The following GRIA1 variants were observed in gnomAD, a reference collection of about 807,000 sequenced individuals.
The protein encoded by GRIA1 is glutamate ionotropic receptor AMPA type subunit 1, also known as glutamate receptor 1.
A neutral mutation model predicts 99.2 loss-of-function variants in GRIA1; 31 were observed. That is an observed-to-expected ratio of 0.31 (90% CI 0.23 to 0.42). The LOEUF (loss-of-function observed/expected upper bound fraction) is 0.42. Ranked by LOEUF, GRIA1 falls within the 10% of genes least tolerant of loss-of-function variation. The pLI is 1.00. For missense variants in GRIA1, 782 were observed against 1,157.5 expected, an observed-to-expected ratio of 0.68 and a Z score of 4.71; for synonymous variants, 438 against 432.4, an observed-to-expected ratio of 1.01 and a Z score of -0.16.
At chr5:153,698,760 G>A (rs531343789) in intron 9 of GRIA1, 107 bp from the exon 10 acceptor site, 10 of 730,028 alleles carry the variant, frequency 1.4e-5, no homozygotes, top group Middle Eastern at 2.4e-4. Flanking sequence ...GGGCTAGAGA[G>A]CCTTCCCCAG....
At chr5:153,659,804 T>C (rs578017232) in intron 5 of GRIA1, among the ~76,000 whole-genome samples, 43 of 152,262 alleles carry the variant, frequency 2.8e-4, no homozygotes, top group Admixed American at 1.4e-3. Flanking sequence ...AACTAGAAGA[T>C]TGGGAGAATT....
At chr5:153,667,840 T>C (rs1444750618) in intron 5 of GRIA1, among the ~76,000 whole-genome samples, 2 of 152,246 alleles carry the variant, frequency 1.3e-5, no homozygotes, top group African/African-American at 4.8e-5. Context: ...AATGTAGTTG[T>C]AGTGTTAAAC....
chr5:153,768,666 G>A (rs1469590907), intron 12 of GRIA1, among the ~76,000 whole-genome samples: 2 of 152,084 alleles, frequency 1.3e-5, no homozygotes, highest in East Asian at 3.8e-4. Context: ...CTTACCAACA[G>A]TTGACGTGCG....
At chr5:153,520,797 G>A (rs1446887535) in intron 2 of GRIA1, among the ~76,000 whole-genome samples, 1 of 152,132 alleles carries the variant, frequency 6.6e-6, no homozygotes, top group Non-Finnish European at 1.5e-5. Flanking sequence ...GTAAGAATTA[G>A]TAATAGTAAT....
chr5:153,720,940 C>G (rs1053373087), intron 11 of GRIA1, among the ~76,000 whole-genome samples: 3 of 152,152 alleles, frequency 2.0e-5, no homozygotes, highest in Admixed American at 2.0e-4. Flanking sequence ...AGTGAACTTA[C>G]AAAGTTCAGG....
intron 2 of GRIA1, among the ~76,000 whole-genome samples, chr5:153,609,906 C>T (rs1281275045): frequency 6.6e-6 from 1 of 151,974 alleles, no homozygotes; most frequent in Non-Finnish European, 1.5e-5. Context: ...TTTGATCATC[C>T]TAGGTTTCTT....
chr5:153,636,051 G>A (rs1753332845), intron 2 of GRIA1, among the ~76,000 whole-genome samples: 1 of 152,110 alleles, frequency 6.6e-6, no homozygotes, highest in Non-Finnish European at 1.5e-5. Flanking sequence ...GTCAAACTGG[G>A]ACCTCAACAA....
At chr5:153,526,975 T>C (rs890040312) in intron 2 of GRIA1, among the ~76,000 whole-genome samples, 3 of 152,214 alleles carry the variant, frequency 2.0e-5, no homozygotes, top group African/African-American at 7.2e-5. Context: ...AGAGGCTAGA[T>C]AGAGAGACTA....
chr5:153,632,328 A>G (rs1437500863), intron 2 of GRIA1, among the ~76,000 whole-genome samples: 1 of 152,214 alleles, frequency 6.6e-6, no homozygotes, highest in African/African-American at 2.4e-5. Flanking sequence ...CTTTAGAGGG[A>G]CGTGCATCCA....
At chr5:153,710,707 G>T (rs1316729393) in intron 11 of GRIA1, among the ~76,000 whole-genome samples, 1 of 152,182 alleles carries the variant, frequency 6.6e-6, no homozygotes, top group Non-Finnish European at 1.5e-5. Flanking sequence ...GACATGCAGG[G>T]TATGGTTCTA....
At chr5:153,496,715 CA>C (rs773026557) in intron 2 of GRIA1, among the ~76,000 whole-genome samples, 5 of 152,044 alleles carry the variant, frequency 3.3e-5, no homozygotes, top group Non-Finnish European at 7.4e-5. Flanking sequence ...TCAGTGGGAG[CA>C]AAGCAGTTTT....
intron 10 of GRIA1, among the ~76,000 whole-genome samples, chr5:153,705,191 C>G (rs1054993521): frequency 2.6e-5 from 4 of 152,188 alleles, no homozygotes; most frequent in African/African-American, 9.6e-5. Context: ...TCCTCTGCAT[C>G]TCTCAGGACT....
chr5:153,584,849 C>T (rs1331591165), intron 2 of GRIA1, among the ~76,000 whole-genome samples: 1 of 152,286 alleles, frequency 6.6e-6, no homozygotes, highest in African/African-American at 2.4e-5. Flanking sequence ...TAAACAAAAG[C>T]AGTCTGCAGT....
intron 11 of GRIA1, chr5:153,755,613 G>GTCATGGGAT (rs1297311712): frequency 2.0e-5 from 3 of 152,248 alleles, no homozygotes; most frequent in African/African-American, 7.2e-5. Flanking sequence ...ATGCTGATCA[G>GTCATGGGAT]TCATGGGATC....
chr5:153,723,879 T>A (rs1035514956), intron 11 of GRIA1, among the ~76,000 whole-genome samples: 1 of 152,176 alleles, frequency 6.6e-6, no homozygotes, highest in African/African-American at 2.4e-5. Flanking sequence ...TCTGACAGCT[T>A]TGAAGAGAGC....
In GRIA1 at chr5:153,652,529, G is replaced by T. The variant is rs1164077555; in HGVS notation, c.645+2015G>T. On this transcript the variant is annotated intron_variant, in intron 4 of 15. Coordinates refer to ENST00000285900, the MANE Select transcript of GRIA1 (RefSeq NM_000827.4). ...AAAAGCAGGAAGTCAAACCTATCTT[G>T]GTCTGGCCAAAGAGCCTAGCTTCTT... Among the ~76,000 whole-genome samples the T allele has an allele frequency of 2.0e-5, 3 of 152,224 alleles. No individual in the cohort carries two copies. The East Asian group carries it at 5.8e-4, about 29-fold the overall frequency.
At position 153,802,409 on chromosome 5, in the gene GRIA1, G is replaced by A. The variant is rs1432941896; in HGVS notation, c.2439G>A (p.Leu813=). ...ATGTGGCAGGCGTGTTCTACATCCTGATCGGAGGACTTGGACTAGCCATGC... is the reference window on the plus strand; with the variant it reads ...ATGTGGCAGGCGTGTTCTACATCCTAATCGGAGGACTTGGACTAGCCATGC... ...LSNVAGVFYI[L]IGGLGLAMLV... The change falls in exon 15 of 16, where the codon CTG becomes CTA. Residue 813 remains leucine, a synonymous_variant. Transcript: ENST00000285900. 2 of 1,613,668 alleles carry A rather than the reference G, an allele frequency of 1.2e-6. No individual in the cohort carries two copies. The highest frequency in any genetic ancestry group is 1.7e-6 in the Non-Finnish European group (2 of 1,179,804).
At chr5:153,756,732 T>C (rs1321724019) in intron 11 of GRIA1, among the ~76,000 whole-genome samples, 1 of 152,064 alleles carries the variant, frequency 6.6e-6, no homozygotes, top group African/African-American at 2.4e-5. Flanking sequence ...TAGATTAGGA[T>C]ACCCTCTAGT....
intron 13 of GRIA1, among the ~76,000 whole-genome samples, chr5:153,773,348 A>G (rs917618361): frequency 2.6e-5 from 4 of 152,202 alleles, no homozygotes; most frequent in Admixed American, 6.5e-5. Flanking sequence ...TTTATGAATG[A>G]CAGCACCATT....
Sources: gnomAD v4.1 joint callset for allele counts (sites outside exome capture counted in the v4.1 genomes callset) on GRCh38, gnomAD v4.1.1 for gene constraint, MANE v1.5 for transcripts, NCBI Gene and HGNC (gene_info 2026-07-23, HGNC 2026-07-21) for gene names.